The following CADM2 variants were observed in gnomAD, a reference collection of about 807,000 sequenced individuals.
CADM2 encodes the protein immunoglobulin superfamily member 4D.
CADM2 carries 12 observed loss-of-function variants against 49.8 expected under a neutral mutation model. The observed-to-expected ratio is 0.24, with a 90% CI of 0.15 to 0.39. CADM2 has a LOEUF of 0.39. Among genes scored for constraint, CADM2 ranks in the 10% least tolerant of loss-of-function variants. The probability of loss-of-function intolerance (pLI) is 1.00; values close to 1 mark genes in which losing one functional copy is unlikely to be tolerated. For synonymous variants in CADM2, 214 were observed against 175.4 expected, an observed-to-expected ratio of 1.22 and a Z score of -1.74; for missense variants, 378 against 492.3, an observed-to-expected ratio of 0.77 and a Z score of 2.20.
At chr3:85,992,441 T>G (rs1328613523) in intron 8 of CADM2, 1 of 152,166 alleles carries the variant, frequency 6.6e-6, no homozygotes, top group Admixed American at 6.5e-5. Flanking sequence ...TTTTTTGCAT[T>G]TGTTGTTAGG....
chr3:86,000,679 A>G, intron 8 of CADM2, among the ~76,000 whole-genome samples: 1 of 150,556 alleles, frequency 6.6e-6, no homozygotes, highest in East Asian at 1.9e-4. Context: ...TGAGTGGAAC[A>G]GAAAGAAAAA....
chr3:85,331,337 CA>C lies in CADM2; in HGVS notation c.61+371670del, dbSNP rs980206362. On this transcript the variant is annotated intron_variant, in intron 1 of 9. Transcript: ENST00000383699. Reference sequence around the variant, plus strand: ...ATTCTACTCTCTATCTCAATTTATTCATTTTTTTTAGCTCCCACATATTAAT... The same window carrying C: ...ATTCTACTCTCTATCTCAATTTATTCTTTTTTTTAGCTCCCACATATTAAT... 4.7e-5 allele frequency among the ~76,000 whole-genome samples: 7 copies of C among 148,402 alleles called. No individual in the cohort carries two copies. The East Asian group carries it at 1.4e-3, about 30-fold the overall frequency.
At chr3:85,192,173 T>G (rs1453148264) in intron 1 of CADM2, among the ~76,000 whole-genome samples, 1 of 151,964 alleles carries the variant, frequency 6.6e-6, no homozygotes, top group Non-Finnish European at 1.5e-5. Flanking sequence ...AACTTTATGG[T>G]GTACTAAATG....
At chr3:85,948,606 C>T (rs1723026603) in intron 7 of CADM2, among the ~76,000 whole-genome samples, 1 of 150,788 alleles carries the variant, frequency 6.6e-6, no homozygotes, top group Non-Finnish European at 1.5e-5. Flanking sequence ...AAGAAATTTT[C>T]TTGCATTACA....
At chr3:85,352,274 G>A (rs1348764219) in intron 1 of CADM2, among the ~76,000 whole-genome samples, 1 of 152,044 alleles carries the variant, frequency 6.6e-6, no homozygotes, top group Non-Finnish European at 1.5e-5. Context: ...TATAAAAGCA[G>A]CACTAGAAGA....
At chr3:85,391,542 C>G (rs2107397964) in intron 1 of CADM2, among the ~76,000 whole-genome samples, 1 of 152,082 alleles carries the variant, frequency 6.6e-6, no homozygotes, top group African/African-American at 2.4e-5. Context: ...ATGTAAATTG[C>G]AAACTTAAAA....
At chr3:85,503,373 A>G (rs1483632445) in intron 1 of CADM2, among the ~76,000 whole-genome samples, 3 of 152,198 alleles carry the variant, frequency 2.0e-5, no homozygotes, top group African/African-American at 7.2e-5. Context: ...TGAATTGTAA[A>G]TAAGTCTCCT....
At chr3:85,272,421 AG>A (rs1435189203) in intron 1 of CADM2, among the ~76,000 whole-genome samples, 13 of 151,322 alleles carry the variant, frequency 8.6e-5, no homozygotes, top group Non-Finnish European at 1.6e-4. Flanking sequence ...ATTCTGAAAA[AG>A]AAAAAAAGAT....
chr3:85,990,469 G>GACATAA (rs1728648705), intron 8 of CADM2, among the ~76,000 whole-genome samples: 1 of 152,090 alleles, frequency 6.6e-6, no homozygotes, highest in Non-Finnish European at 1.5e-5. Flanking sequence ...ATAAATTTAG[G>GACATAA]CGCATCTGTA....
At chr3:85,861,582 G>A (rs2075536653) in intron 3 of CADM2, among the ~76,000 whole-genome samples, 1 of 152,090 alleles carries the variant, frequency 6.6e-6, no homozygotes, top group African/African-American at 2.4e-5. Context: ...AGGTCAGGGG[G>A]TAGGTATAGG....
At chr3:85,903,475 T>C (rs1716393858) in intron 5 of CADM2, among the ~76,000 whole-genome samples, 1 of 152,196 alleles carries the variant, frequency 6.6e-6, no homozygotes, top group Admixed American at 6.6e-5. Context: ...ATCAGGTTCT[T>C]ATCTGACATT....
At chr3:85,726,945 A>T (rs2067723014) in intron 2 of CADM2, among the ~76,000 whole-genome samples, 1 of 152,254 alleles carries the variant, frequency 6.6e-6, no homozygotes, top group East Asian at 1.9e-4. Flanking sequence ...ATGTGAAAAT[A>T]AAATTTAATC....
At chr3:85,895,152 C>G (rs1029776191) in intron 5 of CADM2, among the ~76,000 whole-genome samples, 6 of 152,174 alleles carry the variant, frequency 3.9e-5, no homozygotes, top group Non-Finnish European at 8.8e-5. Context: ...ATGAATGCAG[C>G]TGGGAGGGGG....
At chr3:85,750,825 C>T (rs1411199080) in intron 2 of CADM2, among the ~76,000 whole-genome samples, 2 of 151,868 alleles carry the variant, frequency 1.3e-5, no homozygotes, top group Non-Finnish European at 1.5e-5. Flanking sequence ...ACTCAGGGAA[C>T]AAATGTAATT....
chr3:85,757,526 C>T (rs764831369), intron 2 of CADM2, among the ~76,000 whole-genome samples: 6 of 151,780 alleles, frequency 4.0e-5, no homozygotes, highest in Non-Finnish European at 7.4e-5. Flanking sequence ...GATACAGAAA[C>T]ATGAGATGGA....
intron 1 of CADM2, among the ~76,000 whole-genome samples, chr3:85,399,028 T>C (rs1374578409): frequency 1.3e-5 from 2 of 152,236 alleles, no homozygotes; most frequent in Non-Finnish European, 2.9e-5. Flanking sequence ...TTGTCAATTC[T>C]GGCTTTTGTT....
intron 1 of CADM2, among the ~76,000 whole-genome samples, chr3:85,060,316 C>T (rs572685978): frequency 1.8e-3 from 277 of 151,814 alleles, no homozygotes; most frequent in African/African-American, 6.3e-3. Context: ...TTAGTAGAGA[C>T]GGGTTTCACC....
chr3:85,283,008 C>A (rs990357896), intron 1 of CADM2, among the ~76,000 whole-genome samples: 2 of 151,828 alleles, frequency 1.3e-5, no homozygotes, highest in Non-Finnish European at 2.9e-5. Context: ...TCACATGTAA[C>A]CCATACATAT....
At chr3:85,098,902 C>A (rs747156107) in intron 1 of CADM2, among the ~76,000 whole-genome samples, 1 of 152,214 alleles carries the variant, frequency 6.6e-6, no homozygotes, top group Non-Finnish European at 1.5e-5. Context: ...CAGTTTCCTA[C>A]ACACTGCTTA....
Sources: allele counts gnomAD v4.1 joint callset (sites outside exome capture counted in the v4.1 genomes callset), GRCh38; gene constraint gnomAD v4.1.1; transcripts MANE v1.5; gene names NCBI Gene and HGNC (gene_info 2026-07-23, HGNC 2026-07-21).